NAALADL2: variants seen among roughly 807,000 people sequenced by gnomAD.
NAALADL2 encodes N-acetylated alpha-linked acidic dipeptidase like 2.
In NAALADL2, 76 loss-of-function variants were observed where a neutral mutation model predicts 87.2. That is an observed-to-expected ratio of 0.87 (90% CI 0.72 to 1.05). The LOEUF is 1.05. Ranked by LOEUF, NAALADL2 falls within the 50% of genes least tolerant of loss-of-function variation. The pLI, the probability that NAALADL2 is intolerant of heterozygous loss-of-function variation, is 0.00. For missense variants in NAALADL2, 1,089 were observed against 945.8 expected (o/e 1.15, Z -1.99); for synonymous variants, 354 against 331.0 (o/e 1.07, Z -0.75).
At chr3:175,774,912 T>C (rs1242145930) in intron 13 of NAALADL2, 2 of 152,072 alleles carry the variant, frequency 1.3e-5, no homozygotes, top group Non-Finnish European at 1.5e-5. Flanking sequence ...AATGTACTAC[T>C]AGAAAATGTA....
chr3:174,757,303 A>G (rs574911612), intron 3 of NAALADL2, among the ~76,000 whole-genome samples: 1 of 152,296 alleles, frequency 6.6e-6, no homozygotes, highest in South Asian at 2.1e-4. Flanking sequence ...GTACATGGAT[A>G]TCATGGCTGA....
chr3:175,794,462 G>T (rs867398945), intron 13 of NAALADL2, among the ~76,000 whole-genome samples: 1 of 151,802 alleles, frequency 6.6e-6, no homozygotes, highest in South Asian at 2.1e-4. Context: ...AACTTCATTT[G>T]ATTTTAGTCT....
intron 4 of NAALADL2, 137 bp downstream of exon 4, chr3:175,256,667 G>C: frequency 1.1e-5 from 7 of 644,684 alleles, no homozygotes; most frequent in Non-Finnish European, 1.4e-5. Flanking sequence ...AAGAAAGAGA[G>C]GCAGAGAGTG....
chr3:175,177,614 A>G (rs1580804515), intron 2 of NAALADL2, among the ~76,000 whole-genome samples: 2 of 152,260 alleles, frequency 1.3e-5, no homozygotes, highest in East Asian at 3.9e-4. Context: ...ACAAACCATA[A>G]AAATGCAAAA....
chr3:174,967,462 C>G lies in NAALADL2; in HGVS notation c.43+108012C>G, dbSNP rs1205122759. 2.0e-5 allele frequency among the ~76,000 whole-genome samples: 3 copies of G among 152,112 alleles called. No individual in the cohort carries two copies. In the East Asian group the frequency reaches 5.8e-4, roughly 29 times the overall value. The stretch of plus-strand genomic sequence containing the variant: ...CATTTGCAATTTGACTTTGTTGCTC[C>G]TGTCTCAAGAGGTACAGTCTGTTTC... On this transcript the variant is annotated intron_variant, in intron 1 of 13. Coordinates refer to ENST00000454872, the MANE Select transcript of NAALADL2 (RefSeq NM_207015.3).
intron 5 of NAALADL2, among the ~76,000 whole-genome samples, chr3:175,429,124 T>C (rs1162155785): frequency 6.6e-6 from 1 of 151,042 alleles, no homozygotes; most frequent in Non-Finnish European, 1.5e-5. Flanking sequence ...AAGTATATAT[T>C]AAAATGTTAA....
rs777620952 is a variant in NAALADL2, at chr3:174,790,866, GTTAT to G, written c.-9+53125_-9+53128del. On this transcript the variant is annotated intron_variant, in intron 3 of 3. Coordinates refer to the NAALADL2 transcript ENST00000434257. ...TATTATTATTTACTATAGTTTTATA[GTTAT>G]TTATATATGTTCTTGTGGATATTGT... 1.6e-4 allele frequency among the ~76,000 whole-genome samples: 25 copies of G among 152,060 alleles called. No individual in the cohort carries two copies. The Middle Eastern group carries it at 0.017, about 103-fold the overall frequency.
chr3:174,718,170 A>G (rs1429663929), intron 2 of NAALADL2, among the ~76,000 whole-genome samples: 1 of 152,186 alleles, frequency 6.6e-6, no homozygotes, highest in African/African-American at 2.4e-5. Context: ...TCCTTTAATG[A>G]TAAGATATGC....
chr3:175,551,323 G>C (rs537725966), intron 9 of NAALADL2, among the ~76,000 whole-genome samples: 13 of 152,212 alleles, frequency 8.5e-5, no homozygotes, highest in African/African-American at 2.9e-4. Context: ...GTGTTGTAGG[G>C]AGGGGAGTTT....
In NAALADL2 at chr3:174,698,137, A is replaced by G. The variant is rs186230888; in HGVS notation, c.-114-39504A>G. ...ATAAATATAAAACCGATAAAAATAA[A>G]TGTATTGTGTAATATATAATGTTAT... On this transcript the variant is annotated intron_variant, in intron 2 of 3. Coordinates refer to the NAALADL2 transcript ENST00000434257. Among the ~76,000 whole-genome samples, 798 of 152,250 alleles carry G rather than the reference A, an allele frequency of 5.2e-3. 11 individuals are homozygous for G. The highest frequency in any genetic ancestry group is 0.018 in the African/African-American group (752 of 41,544).
chr3:174,605,700 G>A lies in NAALADL2; in HGVS notation c.-115+55063G>A, dbSNP rs1337066453. 9.2e-5 allele frequency among the ~76,000 whole-genome samples: 14 copies of A among 152,232 alleles called. No homozygotes were observed. The South Asian group carries it at 2.7e-3, about 29-fold the overall frequency. On this transcript the variant is annotated intron_variant, in intron 2 of 3. Coordinates refer to the NAALADL2 transcript ENST00000434257. ...GGTGGAGCCCACCACAGCTCAAGGA[G>A]GCCTGCCTGCCTCTGTAGGCTCCAC...
chr3:175,584,786 G>A (rs1720302104), intron 10 of NAALADL2, among the ~76,000 whole-genome samples: 1 of 152,156 alleles, frequency 6.6e-6, no homozygotes, highest in South Asian at 2.1e-4. Flanking sequence ...CAATATAAAA[G>A]TTAAAAAGTG....
chr3:174,658,991 A>T (rs1379474870), intron 2 of NAALADL2, among the ~76,000 whole-genome samples: 1 of 152,120 alleles, frequency 6.6e-6, no homozygotes, highest in African/African-American at 2.4e-5. Context: ...GAAATAATTG[A>T]TGGTCTCCTT....
At chr3:175,539,911 C>T (rs1402409143) in intron 9 of NAALADL2, among the ~76,000 whole-genome samples, 1 of 151,988 alleles carries the variant, frequency 6.6e-6, no homozygotes, top group Admixed American at 6.6e-5. Flanking sequence ...CAGGTATTGC[C>T]TTGAGTAAAC....
chr3:175,284,465 C>T (rs531936875), intron 4 of NAALADL2, among the ~76,000 whole-genome samples: 81 of 151,776 alleles, frequency 5.3e-4, no homozygotes, highest in Non-Finnish European at 8.7e-4. Context: ...AAATGCAAGA[C>T]TTAATGTATG....
chr3:175,725,143 T>C (rs1428448426), intron 11 of NAALADL2, among the ~76,000 whole-genome samples: 1 of 152,130 alleles, frequency 6.6e-6, no homozygotes, highest in African/African-American at 2.4e-5. Context: ...GAATTTTCTC[T>C]TTCTAGCTCT....
At chr3:174,504,016 GA>G (rs1437966458) in intron 1 of NAALADL2, among the ~76,000 whole-genome samples, 1 of 151,984 alleles carries the variant, frequency 6.6e-6, no homozygotes, top group African/African-American at 2.4e-5. Flanking sequence ...TATTATTCTA[GA>G]ACTTTAGTTA....
At chr3:174,644,406 T>C (rs545700429) in intron 2 of NAALADL2, among the ~76,000 whole-genome samples, 2 of 152,260 alleles carry the variant, frequency 1.3e-5, no homozygotes, top group African/African-American at 4.8e-5. Flanking sequence ...TAAGTGGAAG[T>C]GGATCACCTA....
Position 175,467,094 on chromosome 3 carries a change from T to C in NAALADL2, c.1443T>C (p.Val481=), listed in dbSNP as rs758101145. The C allele has an allele frequency of 6.2e-7, 1 of 1,613,892 alleles. No homozygotes were observed. The highest frequency in any genetic ancestry group is 1.1e-5 in the South Asian group (1 of 91,086). Residue 481 remains valine (V), a synonymous_variant, in exon 8 of 14, where the codon GTT becomes GTC. Coordinates refer to ENST00000454872, the MANE Select transcript of NAALADL2 (RefSeq NM_207015.3). ...TTATCCGTGCCTTGATGTCAAAAGT[T>C]AAGAGAGGGTGGAGACCAGACCGAA... is the stretch of plus-strand genomic sequence containing the variant. ...TAFIRALMSK[V]KRGWRPDRTI...
Sources: allele counts gnomAD v4.1 joint callset (sites outside exome capture counted in the v4.1 genomes callset), GRCh38; gene constraint gnomAD v4.1.1; transcripts MANE v1.5; gene names NCBI Gene and HGNC (gene_info 2026-07-23, HGNC 2026-07-21).